ZNF431: variants seen among roughly 807,000 people sequenced by gnomAD.
The protein encoded by ZNF431 is zinc finger protein 431.
In ZNF431, 34 loss-of-function variants were observed where a neutral mutation model predicts 57.0. The ratio of observed to expected loss-of-function variants is 0.60; its 90% confidence interval spans 0.45 to 0.79. The LOEUF is 0.79. Among genes scored for constraint, ZNF431 ranks in the 30% least tolerant of loss-of-function variants. The pLI, the probability that ZNF431 is intolerant of heterozygous loss-of-function variation, is 0.00. For synonymous variants in ZNF431, 207 were observed against 220.3 expected, an observed-to-expected ratio of 0.94 and a Z score of 0.54; for missense variants, 607 against 667.1, an observed-to-expected ratio of 0.91 and a Z score of 0.99.
At position 21,182,643 on chromosome 19, in the gene ZNF431, A is replaced by G. The variant is rs1268743058; in HGVS notation, c.340A>G (p.Lys114Glu). The G allele has an allele frequency of 1.9e-6, 3 of 1,600,000 alleles. No individual in the cohort carries two copies. Among genetic ancestry groups the G allele is most frequent in the South Asian group, 1.1e-5 (1 of 88,232 alleles). The change falls in exon 5 of 5, where the codon AAA (lysine) becomes GAA (glutamate). Residue 114 changes from lysine (K) to glutamate (E), a missense_variant. Lys to Glu is a moderately conservative substitution (Grantham distance 56). Transcript: ENST00000311048. The part of the protein sequence containing the change: ...EPPAMCSYFT[K>E]DLWPEQDIKD... ...TTCAGCTATGTGTTCTTATTTTACC[A>G]AAGACCTTTGGCCAGAGCAAGACAT...
Position 21,143,633 on chromosome 19 carries a change from A to G in ZNF431, c.86A>G (p.Tyr29Cys), listed in dbSNP as rs1312733884. ...GAERNLLVYS[Y>C]FEKETLTFRD... Reference sequence around the variant, plus strand: ...GAGAGGAATCTTCTAGTTTACTCTTATTTTGAAAAGGTAACCTCTTGAGAC... The same window carrying G: ...GAGAGGAATCTTCTAGTTTACTCTTGTTTTGAAAAGGTAACCTCTTGAGAC... Residue 29 changes from tyrosine to cysteine, a missense_variant, in exon 2 of 5, where the codon TAT (tyrosine) becomes TGT (cysteine). By Grantham distance (194) the Tyr-to-Cys change is radical. Transcript: ENST00000311048. 6.2e-7 allele frequency: 1 copy of G among 1,613,438 alleles called. No homozygotes were observed.
chr19:21,145,101 AAGTG>A (rs1269628995), intron 2 of ZNF431, among the ~76,000 whole-genome samples: 1 of 48,416 alleles, frequency 2.1e-5, no homozygotes, highest in African/African-American at 8.1e-5. Context: ...TTCGAAAACC[AAGTG>A]AGTAACTCTA....
chr19:21,172,223 G>A (rs1970918442), intron 4 of ZNF431, among the ~76,000 whole-genome samples: 1 of 151,418 alleles, frequency 6.6e-6, no homozygotes, highest in South Asian at 2.1e-4. Context: ...AGGGTCAGGA[G>A]CTCCAGACCA....
chr19:21,167,543 T>C (rs1424322244), intron 3 of ZNF431, 28 bp from the exon 4 acceptor site: 3 of 1,484,952 alleles, frequency 2.0e-6, no homozygotes, highest in African/African-American at 2.8e-5. Flanking sequence ...ATAGGCAAGA[T>C]TCATGTTATT....
chr19:21,189,870 G>T lies in ZNF431; in HGVS notation c.*5836G>T. ...GTTTTTGTTTTTTTTTTAAGGCCAG[G>T]AGTGGTGGCTCACACCTGTAATCCC... is the stretch of plus-strand genomic sequence containing the variant. On this transcript the variant is annotated 3_prime_UTR_variant, in exon 5 of 5. Transcript: ENST00000311048. 2.5e-6 allele frequency: 1 copy of T among 397,990 alleles called. No homozygotes were observed. The highest frequency in any genetic ancestry group is 3.6e-5 in the East Asian group (1 of 28,062). 24.7% of individuals were successfully genotyped at this position (397,990 alleles called of 1,614,324 possible).
Position 21,184,171 on chromosome 19 carries a change from G to A in ZNF431, c.*137G>A. On this transcript the variant is annotated 3_prime_UTR_variant, in exon 5 of 5. Transcript: ENST00000311048. ...TCGAGACCATCCTGGCCAACATGGT[G>A]AAACCCTGTCTCTACTAAAAATACA... 1.4e-6 allele frequency: 1 copy of A among 714,284 alleles called. No individual in the cohort carries two copies. Among genetic ancestry groups the A allele is most frequent in the Non-Finnish European group, 2.2e-6 (1 of 445,542 alleles). 44.2% of individuals were successfully genotyped at this position (714,284 alleles called of 1,614,324 possible). A position where few individuals can be genotyped will look rare whatever the true frequency, so the allele number is the denominator to read the frequency against.
intron 4 of ZNF431, among the ~76,000 whole-genome samples, chr19:21,180,035 A>G (rs748302018): frequency 4.0e-5 from 6 of 151,708 alleles, no homozygotes; most frequent in Non-Finnish European, 7.4e-5. Context: ...ACAGGCGCCC[A>G]CCACCACACC....
chr19:21,167,773 G>C, intron 4 of ZNF431, 107 bp downstream of exon 4: 1 of 692,558 alleles, frequency 1.4e-6, no homozygotes, highest in Non-Finnish European at 2.1e-6. Flanking sequence ...GTGTTATAAA[G>C]CATGTAGTTT....
intron 4 of ZNF431, 72 bp downstream of exon 4, chr19:21,167,738 T>C (rs1970763470): frequency 2.0e-6 from 2 of 1,019,292 alleles, no homozygotes; most frequent in Non-Finnish European, 2.7e-6. Flanking sequence ...AATGTGCCAG[T>C]CCTTACAATG....
rs1971559036 is a variant in ZNF431 at position 21,194,031 on chromosome 19, AAAAAT to A, written c.*10001_*10005del. The A allele has an allele frequency of 6.6e-6, 1 of 152,190 alleles. No homozygotes were observed. Among genetic ancestry groups the A allele is most frequent in the Non-Finnish European group, 1.5e-5 (1 of 68,028 alleles). The allele number at this position is 152,190 out of a possible 1,614,324, so 9.4% of individuals were successfully genotyped here. A position where few individuals can be genotyped will look rare whatever the true frequency, so the allele number is the denominator to read the frequency against. On this transcript the variant is annotated 3_prime_UTR_variant, in exon 5 of 5. Transcript: ENST00000311048. ...GTGCTGGATAAATCTAACAAAATGA[AAAAAT>A]AAATGGCATCCAAATAGGAAAAGAA...
rs532283792 is a variant in ZNF431, at chr19:21,170,655, TC to T, written c.319+2990del. Among the ~76,000 whole-genome samples, 96 of 150,796 alleles carry T rather than the reference TC, an allele frequency of 6.4e-4. 1 individual carries two copies. Among genetic ancestry groups the T allele is most frequent in the African/African-American group, 2.0e-3 (83 of 40,562 alleles). ...ATAATTTCTTTCTTTTCTTTTCTTT[TC>T]TTTTTTTTTTCTTTTCTTTTCTTTT... is the stretch of plus-strand genomic sequence containing the variant. On this transcript the variant is annotated intron_variant, in intron 4 of 4. Transcript: ENST00000311048.
chr19:21,191,323 C>G lies in ZNF431; in HGVS notation c.*7289C>G, dbSNP rs942293068. 6.6e-6 allele frequency: 1 copy of G among 151,928 alleles called. No homozygotes were observed. Among genetic ancestry groups the G allele is most frequent in the African/African-American group, 2.4e-5 (1 of 41,332 alleles). 9.4% of individuals were successfully genotyped at this position (151,928 alleles called of 1,614,324 possible). A position where few individuals can be genotyped will look rare whatever the true frequency, so the allele number is the denominator to read the frequency against. ...CAAATATTAGCCGGGCGTGGTTGCA[C>G]GTGTCTATAATCTCAGCTACTCAGG... On this transcript the variant is annotated 3_prime_UTR_variant, in exon 5 of 5. Coordinates refer to ENST00000311048, the MANE Select transcript of ZNF431 (RefSeq NM_133473.4).
chr19:21,174,525 A>C (rs1970996104), intron 4 of ZNF431, among the ~76,000 whole-genome samples: 1 of 152,188 alleles, frequency 6.6e-6, no homozygotes, highest in African/African-American at 2.4e-5. Context: ...ACATACAAGC[A>C]TATGTCCTAT....
chr19:21,142,274 C>G (rs1476480112), intron 1 of ZNF431, 88 bp downstream of exon 1: 21 of 1,571,640 alleles, frequency 1.3e-5, no homozygotes, highest in Admixed American at 8.4e-5. Context: ...CAGGCCTCCC[C>G]GCAGTCAGCT....
At position 21,156,257 on chromosome 19, in the gene ZNF431, T is replaced by C. The variant is rs577630188; in HGVS notation, c.97-10078T>C. ...TGGGCCACCTGTTCATAATCTCATCTGCCTACAGGCACACAGAAATAAATC... is the reference window on the plus strand; with the variant it reads ...TGGGCCACCTGTTCATAATCTCATCCGCCTACAGGCACACAGAAATAAATC... On this transcript the variant is annotated intron_variant, in intron 2 of 4. Coordinates refer to ENST00000311048, the MANE Select transcript of ZNF431 (RefSeq NM_133473.4). 1.6e-3 allele frequency among the ~76,000 whole-genome samples: 240 copies of C among 152,392 alleles called. 1 individual carries two copies. The Middle Eastern group carries it at 0.017, about 11-fold the overall frequency.
At position 21,184,733 on chromosome 19, in the gene ZNF431, CATT is replaced by C. The variant is rs2145058708; in HGVS notation, c.*702_*704del. The C allele has an allele frequency of 7.7e-6, 1 of 130,354 alleles. No individual in the cohort carries two copies. Among genetic ancestry groups the C allele is most frequent in the Admixed American group, 8.6e-5 (1 of 11,672 alleles). 8.1% of individuals were successfully genotyped at this position (130,354 alleles called of 1,614,324 possible). ...AATATAAAGACTGTGAAAAAGCCAT[CATT>C]ATCTGCTCACATTTTACTCAACACA... On this transcript the variant is annotated 3_prime_UTR_variant, in exon 5 of 5. Transcript: ENST00000311048.
At chr19:21,153,718 AT>A (rs1568298445) in intron 2 of ZNF431, among the ~76,000 whole-genome samples, 1 of 151,716 alleles carries the variant, frequency 6.6e-6, no homozygotes, top group Non-Finnish European at 1.5e-5. Context: ...GGGAGTCCCC[AT>A]TTTTTTTCTT....
At chr19:21,165,408 A>T (rs1251148704) in intron 2 of ZNF431, among the ~76,000 whole-genome samples, 1 of 152,230 alleles carries the variant, frequency 6.6e-6, no homozygotes, top group African/African-American at 2.4e-5. Context: ...AAAATTATGG[A>T]ATGCGGGAGA....
At chr19:21,151,764 C>T (rs999169730) in intron 2 of ZNF431, among the ~76,000 whole-genome samples, 1 of 152,080 alleles carries the variant, frequency 6.6e-6, no homozygotes, top group African/African-American at 2.4e-5. Context: ...TACAGAAAGA[C>T]AAATTTATTA....
Sources: allele counts gnomAD v4.1 joint callset (sites outside exome capture counted in the v4.1 genomes callset), GRCh38; gene constraint gnomAD v4.1.1; transcripts MANE v1.5; gene names NCBI Gene and HGNC (gene_info 2026-07-23, HGNC 2026-07-21).